AIG1: variants seen among roughly 807,000 people sequenced by gnomAD.
AIG1 encodes androgen induced 1.
A neutral mutation model predicts 31.4 loss-of-function variants in AIG1; 23 were observed. That is an observed-to-expected ratio of 0.73 (90% CI 0.53 to 1.04). The LOEUF (loss-of-function observed/expected upper bound fraction) is 1.04. Among genes scored for constraint, AIG1 ranks in the 50% least tolerant of loss-of-function variants. The probability of loss-of-function intolerance (pLI) is 0.00; values close to 1 mark genes in which losing one functional copy is unlikely to be tolerated. For synonymous variants in AIG1, 100 were observed against 110.5 expected, an observed-to-expected ratio of 0.90 and a Z score of 0.60; for missense variants, 274 against 295.0, an observed-to-expected ratio of 0.93 and a Z score of 0.52.
At chr6:143,093,306 T>G (rs1317949078) in intron 1 of AIG1, among the ~76,000 whole-genome samples, 1 of 152,230 alleles carries the variant, frequency 6.6e-6, no homozygotes, top group African/African-American at 2.4e-5. Flanking sequence ...TGAAGACAGC[T>G]TTTTTCCTTA....
At chr6:143,238,487 T>G (rs1232048713) in intron 3 of AIG1, among the ~76,000 whole-genome samples, 1 of 152,250 alleles carries the variant, frequency 6.6e-6, no homozygotes, top group Non-Finnish European at 1.5e-5. Flanking sequence ...TCTCATTGGC[T>G]ACAACTGGGT....
At chr6:143,304,539 T>C (rs1323802930) in intron 4 of AIG1, among the ~76,000 whole-genome samples, 1 of 152,172 alleles carries the variant, frequency 6.6e-6, no homozygotes. Context: ...TATTGATTTG[T>C]GTATATTGAA....
At chr6:143,335,036 A>G in intron 5 of AIG1, 1 of 1,384,982 alleles carries the variant, frequency 7.2e-7, no homozygotes, top group South Asian at 1.8e-5. Flanking sequence ...AACTTTTTTT[A>G]AAAATTCATT....
chr6:143,296,158 A>G (rs1798412093), intron 4 of AIG1, among the ~76,000 whole-genome samples: 1 of 152,036 alleles, frequency 6.6e-6, no homozygotes, highest in African/African-American at 2.4e-5. Context: ...CACCCCTGCC[A>G]TCCATTTCTC....
At chr6:143,243,987 C>A (rs1370155657) in intron 3 of AIG1, among the ~76,000 whole-genome samples, 2 of 152,232 alleles carry the variant, frequency 1.3e-5, no homozygotes, top group African/African-American at 4.8e-5. Flanking sequence ...CAAGCCATGA[C>A]AGCTGGGTCA....
At chr6:143,322,616 G>C (rs1776306291) in intron 4 of AIG1, among the ~76,000 whole-genome samples, 1 of 152,136 alleles carries the variant, frequency 6.6e-6, no homozygotes, top group Admixed American at 6.5e-5. Context: ...CATAAAACCA[G>C]GTAGACTTTA....
At chr6:143,136,384 G>A (rs1783751504) in intron 1 of AIG1, among the ~76,000 whole-genome samples, 1 of 152,132 alleles carries the variant, frequency 6.6e-6, no homozygotes, top group Admixed American at 6.5e-5. Flanking sequence ...GAATTGTCTT[G>A]TTATTCAGAC....
intron 3 of AIG1, among the ~76,000 whole-genome samples, chr6:143,250,682 G>A (rs535548912): frequency 1.2e-4 from 18 of 152,110 alleles, no homozygotes; most frequent in African/African-American, 3.9e-4. Flanking sequence ...GAGTGACGCC[G>A]CTACAAGCCA....
intron 3 of AIG1, among the ~76,000 whole-genome samples, chr6:143,218,844 T>G (rs1387958247): frequency 6.6e-6 from 1 of 152,218 alleles, no homozygotes; most frequent in Non-Finnish European, 1.5e-5. Flanking sequence ...CTTTAACCAA[T>G]TTTCAGCTTT....
chr6:143,199,084 T>C (rs1790488666), intron 3 of AIG1, among the ~76,000 whole-genome samples: 1 of 152,218 alleles, frequency 6.6e-6, no homozygotes, highest in African/African-American at 2.4e-5. Context: ...CCAGTGCATA[T>C]GCTAAAAGAA....
intron 1 of AIG1, among the ~76,000 whole-genome samples, chr6:143,069,026 T>C (rs918766885): frequency 2.0e-5 from 3 of 152,078 alleles, no homozygotes; most frequent in African/African-American, 7.2e-5. Flanking sequence ...TTTTTTTTTT[T>C]TCTCTTGAAA....
chr6:143,212,591 A>G (rs916096004), intron 3 of AIG1, among the ~76,000 whole-genome samples: 1 of 152,156 alleles, frequency 6.6e-6, no homozygotes, highest in Non-Finnish European at 1.5e-5. Flanking sequence ...GTTGGTGAAA[A>G]TGTCTCATTA....
Position 143,256,976 on chromosome 6 carries a change from C to G in AIG1, c.400-27134C>G, listed in dbSNP as rs893440788. On this transcript the variant is annotated intron_variant, in intron 3 of 5. Coordinates refer to ENST00000357847, the MANE Select transcript of AIG1 (RefSeq NM_016108.4). The surrounding 1 kb of genome is among the most constrained non-coding windows in gnomAD (Gnocchi z 4.6). ...TAGAAATCTTAAATGATATAATTGG[C>G]TTTGGAAGCATTTTTAAGCTTTAGT... Among the ~76,000 whole-genome samples, 6 of 152,146 alleles carry G rather than the reference C, an allele frequency of 3.9e-5. No individual in the cohort carries two copies. The highest frequency in any genetic ancestry group is 1.4e-4 in the African/African-American group (6 of 41,426).
At chr6:143,276,941 C>T (rs530993037) in intron 3 of AIG1, among the ~76,000 whole-genome samples, 1 of 152,206 alleles carries the variant, frequency 6.6e-6, no homozygotes, top group South Asian at 2.1e-4. Flanking sequence ...TTCAGTGGCC[C>T]CAAGGGCAGA....
chr6:143,343,018 G>A (rs1348793702), downstream of AIG1: 2 of 854,432 alleles, frequency 2.3e-6, no homozygotes, highest in Non-Finnish European at 4.1e-6. Context: ...TTCCAATTTT[G>A]TCAGTTATGT....
rs1798131188 is a variant in AIG1, at chr6:143,292,630, A to G, written c.515+8405A>G. On this transcript the variant is annotated intron_variant, in intron 4 of 5. Transcript: ENST00000357847. This position sits in a 1 kb window ranked among gnomAD's most constrained non-coding sequence, Gnocchi z 4.9. ...TAACCTGTAGAATTCTCCGATGAAT[A>G]TGTGTTGTTTTAAGCCACAAGTCTG... Among the ~76,000 whole-genome samples the G allele has an allele frequency of 1.3e-5, 2 of 152,244 alleles. No individual in the cohort carries two copies. Among genetic ancestry groups the G allele is most frequent in the Admixed American group, 6.5e-5 (1 of 15,286 alleles).
chr6:143,342,796 G>T (rs998246631), downstream of AIG1: 2 of 802,712 alleles, frequency 2.5e-6, no homozygotes, highest in Non-Finnish European at 2.3e-6. Context: ...TTTGTGGAGA[G>T]TACCTTCTCT....
chr6:143,124,688 A>AAACTTACAAT (rs1188407534), intron 1 of AIG1, among the ~76,000 whole-genome samples: 2 of 152,212 alleles, frequency 1.3e-5, no homozygotes, highest in African/African-American at 4.8e-5. Flanking sequence ...GTTGCTGGGG[A>AAACTTACAAT]GGTCTCAGGA....
rs901742176 is a variant in AIG1, at chr6:143,293,348, A to G, written c.515+9123A>G. Among the ~76,000 whole-genome samples, 2 of 152,190 alleles carry G rather than the reference A, an allele frequency of 1.3e-5. No individual in the cohort carries two copies. The highest frequency in any genetic ancestry group is 2.9e-5 in the Non-Finnish European group (2 of 68,032). ...TTTCTGAAATTTTCTTATGGTTCAT[A>G]TATTAAGTTATTTCCGGAGCTCTGC... is the stretch of plus-strand genomic sequence containing the variant. On this transcript the variant is annotated intron_variant, in intron 4 of 5. Transcript: ENST00000357847. This position sits in a 1 kb window ranked among gnomAD's most constrained non-coding sequence, Gnocchi z 4.8.
Sources: allele counts gnomAD v4.1 joint callset (sites outside exome capture counted in the v4.1 genomes callset), GRCh38; gene constraint gnomAD v4.1.1; non-coding constraint Gnocchi (gnomAD v3.1); transcripts MANE v1.5; gene names NCBI Gene and HGNC (gene_info 2026-07-23, HGNC 2026-07-21).